Variants in SORBS3 observed in about 807,000 individuals in gnomAD.
SORBS3 encodes the protein vinexin.
Under a neutral mutation model 98.0 loss-of-function variants are expected in SORBS3, and 69 were observed. That is an observed-to-expected ratio of 0.70 (90% CI 0.58 to 0.86). The LOEUF (loss-of-function observed/expected upper bound fraction) is 0.86. Among genes scored for constraint, SORBS3 ranks in the 40% least tolerant of loss-of-function variants. The pLI is 0.00. For missense variants in SORBS3, 954 were observed against 908.5 expected, an observed-to-expected ratio of 1.05 and a Z score of -0.64; for synonymous variants, 394 against 355.4, an observed-to-expected ratio of 1.11 and a Z score of -1.22.
rs749404944 is a variant in SORBS3, at chr8:22,561,854, C to T, written c.518-11C>T. Reference sequence around the variant, plus strand: ...CACCTTCAATGCTTTCCTCGTGTACCTCCTCTGCAGACCCCAGGCATCTAG... The same window carrying T: ...CACCTTCAATGCTTTCCTCGTGTACTTCCTCTGCAGACCCCAGGCATCTAG... On this transcript the variant is annotated splice_polypyrimidine_tract_variant and intron_variant, in intron 6 of 20. Coordinates refer to ENST00000240123, the MANE Select transcript of SORBS3 (RefSeq NM_005775.5). 3.1e-6 allele frequency: 5 copies of T among 1,613,582 alleles called. No individual in the cohort carries two copies. In the Admixed American group the frequency reaches 8.3e-5, roughly 27 times the overall value.
chr8:22,554,736 C>T lies in SORBS3; in HGVS notation c.103-127C>T, dbSNP rs1840152658. 2 of 1,369,830 alleles carry T rather than the reference C, an allele frequency of 1.5e-6. No individual in the cohort carries two copies. The highest frequency in any genetic ancestry group is 2.7e-5 in the South Asian group (2 of 73,640). The allele number at this position is 1,369,830 out of a possible 1,614,324, so 84.9% of individuals were successfully genotyped here. A position where few individuals can be genotyped will look rare whatever the true frequency, so the allele number is the denominator to read the frequency against. On this transcript the variant is annotated intron_variant, in intron 2 of 20. Transcript: ENST00000240123. The surrounding 1 kb of genome is among the most constrained non-coding windows in gnomAD (Gnocchi z 6.5). ...CTGAAGAGAGCTCTGGGGGGCCTCG[C>T]TGGTTTCCCACAAAATCGTCAGGCG... is the stretch of plus-strand genomic sequence containing the variant.
chr8:22,562,382 G>C (rs1438918694), intron 7 of SORBS3, among the ~76,000 whole-genome samples: 1 of 152,236 alleles, frequency 6.6e-6, no homozygotes, highest in Non-Finnish European at 1.5e-5. Flanking sequence ...ATAGCACAGA[G>C]AGAGGAGCCC....
At chr8:22,570,611 G>A (rs923788493) in intron 17 of SORBS3, among the ~76,000 whole-genome samples, 12 of 152,168 alleles carry the variant, frequency 7.9e-5, no homozygotes, top group African/African-American at 2.9e-4. Context: ...TATTAGCCAC[G>A]GGCTCACCTG....
chr8:22,566,418 A>G lies in SORBS3; in HGVS notation c.1024A>G (p.Lys342Glu). The G allele has an allele frequency of 6.2e-7, 1 of 1,614,076 alleles. No individual in the cohort carries two copies. The highest frequency in any genetic ancestry group is 8.5e-7 in the Non-Finnish European group (1 of 1,179,980). The change falls in exon 13 of 21, where the codon AAA becomes GAA. Residue 342 changes from lysine (K) to glutamate (E), a missense_variant. Coordinates refer to ENST00000240123, the MANE Select transcript of SORBS3 (RefSeq NM_005775.5). ...TTCCGCCCGGTCCCTGAGTCCCCAC[A>G]AAATGGCTGATGGAGGAAGCCCCTT... ...LGSARSLSPH[K>E]MADGGSPFLG...
chr8:22,549,733 G>A (rs138104062), upstream of SORBS3, among the ~76,000 whole-genome samples: 62 of 152,264 alleles, frequency 4.1e-4, no homozygotes, highest in African/African-American at 1.5e-3. Context: ...GACCTACCCC[G>A]CCTCCTCCTG....
At chr8:22,552,660 G>C (rs964348666) in intron 1 of SORBS3, among the ~76,000 whole-genome samples, 2 of 152,206 alleles carry the variant, frequency 1.3e-5, no homozygotes, top group African/African-American at 4.8e-5. Context: ...CGAGGTGGGC[G>C]GGGAGGTCAG....
Position 22,571,005 on chromosome 8 carries a change from C to T in SORBS3, c.1527C>T (p.Tyr509=), listed in dbSNP as rs758930698. The T allele has an allele frequency of 8.7e-6, 14 of 1,613,678 alleles. No homozygotes were observed. Among genetic ancestry groups the T allele is most frequent in the Admixed American group, 1.7e-5 (1 of 59,982 alleles). ...TGRQGIFPAS[Y]VQVSREPRLR... is the part of the protein sequence containing the mutation. ...GCCAAGGCATATTCCCTGCCAGCTA[C>T]GTGCAGGTGTCTCGTGAACCCCGGC... Residue 509 remains tyrosine (Y), a synonymous_variant, in exon 18 of 21, where the codon TAC becomes TAT. Coordinates refer to ENST00000240123, the MANE Select transcript of SORBS3 (RefSeq NM_005775.5).
At chr8:22,549,241 C>T (rs1028262557), upstream of SORBS3, among the ~76,000 whole-genome samples, 4 of 152,118 alleles carry the variant, frequency 2.6e-5, no homozygotes, top group Non-Finnish European at 5.9e-5. Flanking sequence ...ACAGGGGAGT[C>T]GTGCATGCAA....
rs1228031083 is a variant in SORBS3 at position 22,554,015 on chromosome 8, C to G, written c.-55-437C>G. 6.6e-6 allele frequency among the ~76,000 whole-genome samples: 1 copy of G among 152,232 alleles called. No homozygotes were observed. The highest frequency in any genetic ancestry group is 2.4e-5 in the African/African-American group (1 of 41,462). On this transcript the variant is annotated intron_variant, in intron 1 of 20. Transcript: ENST00000240123. This position sits in a 1 kb window ranked among gnomAD's most constrained non-coding sequence, Gnocchi z 6.5. ...TGTGCCCGCAGGCAAGAGATGCCCA[C>G]ACGGCCTGGGGGAGGCAGAGGGAAC...
upstream of SORBS3, among the ~76,000 whole-genome samples, chr8:22,548,707 C>T (rs982741928): frequency 3.3e-5 from 5 of 151,070 alleles, no homozygotes; most frequent in East Asian, 3.9e-4. Context: ...TCTGAATTGC[C>T]GATTCCCAGC....
intron 5 of SORBS3, among the ~76,000 whole-genome samples, chr8:22,560,039 CCTGGGTGACTCAGT>C (rs1784613310): frequency 6.7e-6 from 1 of 150,200 alleles, no homozygotes; most frequent in Admixed American, 6.6e-5. Flanking sequence ...TGCACTCCAG[CCTGGGTGACTCAGT>C]CTCAAAAAAA....
At position 22,556,875 on chromosome 8, in the gene SORBS3, G is replaced by A. The variant is rs1306790730; in HGVS notation, c.381G>A (p.Val127=). The stretch of plus-strand genomic sequence containing the variant: ...TCAAGTACGAGGGAATCGGGCCCGT[G>A]GACGAGAGCGGCATGCCCATTGCCC... ...RWVKYEGIGP[V]DESGMPIAPR... Residue 127 remains valine, a synonymous_variant, in exon 4 of 21, where the codon GTG becomes GTA. Coordinates refer to ENST00000240123, the MANE Select transcript of SORBS3 (RefSeq NM_005775.5). The A allele has an allele frequency of 6.2e-7, 1 of 1,613,260 alleles. No individual in the cohort carries two copies. The highest frequency in any genetic ancestry group is 1.3e-5 in the African/African-American group (1 of 75,058).
rs566224589 is a variant in SORBS3, at chr8:22,570,856, C to T, written c.1432-54C>T. The T allele has an allele frequency of 2.3e-4, 354 of 1,510,528 alleles. 1 individual carries two copies. Among genetic ancestry groups the T allele is most frequent in the South Asian group, 1.2e-3 (96 of 80,022 alleles). The allele number at this position is 1,510,528 out of a possible 1,614,324, so 93.6% of individuals were successfully genotyped here. A position where few individuals can be genotyped will look rare whatever the true frequency, so the allele number is the denominator to read the frequency against. ...AATGAGACAGCCCAGATAAGGCACCCGTGGGTCCATGGCACCAGGAAGGCC... is the reference window on the plus strand; with the variant it reads ...AATGAGACAGCCCAGATAAGGCACCTGTGGGTCCATGGCACCAGGAAGGCC... On this transcript the variant is annotated intron_variant, in intron 17 of 20. Coordinates refer to ENST00000240123, the MANE Select transcript of SORBS3 (RefSeq NM_005775.5).
In SORBS3 at chr8:22,554,540, C is replaced by G. The variant is rs1563814388; in HGVS notation, c.34C>G (p.Leu12Val). The G allele has an allele frequency of 2.5e-6, 4 of 1,612,856 alleles. No homozygotes were observed. The highest frequency in any genetic ancestry group is 3.4e-6 in the Non-Finnish European group (4 of 1,179,974). ...CCCACCCCGCAGCCTCCGCGCTGGGCTCAGCCTGGACGACTTCATCCCTGG... is the reference window on the plus strand; with the variant it reads ...CCCACCCCGCAGCCTCCGCGCTGGGGTCAGCCTGGACGACTTCATCCCTGG... The part of the protein sequence containing the change: ...QGPPRSLRAG[L>V]SLDDFIPGHL... The change falls in exon 2 of 21, where the codon CTC (leucine) becomes GTC (valine). Residue 12 changes from leucine to valine, a missense_variant. Transcript: ENST00000240123. This position sits in a 1 kb window ranked among gnomAD's most constrained non-coding sequence, Gnocchi z 6.5.
chr8:22,569,076 C>T, intron 16 of SORBS3, 72 bp from the exon 17 acceptor site: 1 of 1,447,454 alleles, frequency 6.9e-7, no homozygotes, highest in Non-Finnish European at 9.2e-7. Context: ...TCTTTGCTGT[C>T]TCACAGGAAC....
rs1397711967 is a variant in SORBS3 at position 22,567,096 on chromosome 8, T to C, written c.1226T>C (p.Ile409Thr). The C allele has an allele frequency of 1.9e-6, 3 of 1,613,568 alleles. No homozygotes were observed. The highest frequency in any genetic ancestry group is 2.5e-6 in the Non-Finnish European group (3 of 1,179,994). The change falls in exon 16 of 21, where the codon ATC becomes ACC. Residue 409 changes from isoleucine to threonine, a missense_variant. Ile to Thr is a moderately conservative substitution (Grantham distance 89). Transcript: ENST00000240123. ...LTLQKGDIVY[I>T]HKEVDKNWLE... ...CTGCAGAAGGGTGACATTGTCTACA[T>C]CCACAAGGAGGTGGACAAGAACTGG...
intron 5 of SORBS3, among the ~76,000 whole-genome samples, chr8:22,558,851 C>T (rs1190594162): frequency 6.6e-6 from 1 of 152,166 alleles, no homozygotes; most frequent in Non-Finnish European, 1.5e-5. Flanking sequence ...GTGAAGGAGT[C>T]GGCCTGGCAG....
chr8:22,557,253 G>A (rs771751545), intron 4 of SORBS3, among the ~76,000 whole-genome samples: 1 of 152,194 alleles, frequency 6.6e-6, no homozygotes, highest in African/African-American at 2.4e-5. Flanking sequence ...AATGGTTGCT[G>A]AATGAATGAC....
intron 12 of SORBS3, 190 bp downstream of exon 12, chr8:22,566,062 A>T: frequency 1.8e-6 from 1 of 544,520 alleles, no homozygotes; most frequent in Non-Finnish European, 2.8e-6. Context: ...CACCGAGGGC[A>T]GCTAACTCCT....
Sources: allele counts gnomAD v4.1 joint callset (sites outside exome capture counted in the v4.1 genomes callset), GRCh38; gene constraint gnomAD v4.1.1; non-coding constraint Gnocchi (gnomAD v3.1); transcripts MANE v1.5; gene names NCBI Gene and HGNC (gene_info 2026-07-23, HGNC 2026-07-21).